Variants in CLPB observed in about 807,000 individuals in gnomAD.
CLPB encodes ClpB family mitochondrial disaggregase.
CLPB carries 40 observed loss-of-function variants against 78.4 expected under a neutral mutation model. The ratio of observed to expected loss-of-function variants is 0.51; its 90% CI spans 0.40 to 0.66. CLPB has a LOEUF of 0.66. Ranked by LOEUF, CLPB falls within the 30% of genes least tolerant of loss-of-function variation. CLPB has a pLI of 0.00. For synonymous variants in CLPB, 333 were observed against 348.0 expected (o/e 0.96, Z 0.48); for missense variants, 780 against 886.9 (o/e 0.88, Z 1.53).
At chr11:72,303,208 C>T (rs937696916) in intron 9 of CLPB, among the ~76,000 whole-genome samples, 2 of 152,224 alleles carry the variant, frequency 1.3e-5, no homozygotes, top group East Asian at 1.9e-4. Flanking sequence ...CACAGTCCCC[C>T]GGGCTCCTCT....
chr11:72,331,570 G>GTTT (rs71062765), intron 5 of CLPB, among the ~76,000 whole-genome samples: 20 of 49,394 alleles, frequency 4.0e-4, no homozygotes, highest in African/African-American at 4.9e-4. Flanking sequence ...TTTCTTTTCT[G>GTTT]TTTTTTTTTT....
chr11:72,394,415 C>T (rs1245282988), intron 3 of CLPB, among the ~76,000 whole-genome samples: 1 of 152,172 alleles, frequency 6.6e-6, no homozygotes, highest in Admixed American at 6.5e-5. Flanking sequence ...CTATCCCCAA[C>T]TGCCACTCTC....
At chr11:72,380,240 A>C (rs1471428733) in intron 4 of CLPB, 41 bp downstream of exon 4, 1 of 1,470,238 alleles carries the variant, frequency 6.8e-7, no homozygotes, top group Non-Finnish European at 9.5e-7. Flanking sequence ...TGAAAGCCAC[A>C]AGAGGAGAGC....
intron 4 of CLPB, among the ~76,000 whole-genome samples, chr11:72,378,228 G>T (rs1854779708): frequency 6.6e-6 from 1 of 152,204 alleles, no homozygotes; most frequent in Non-Finnish European, 1.5e-5. Flanking sequence ...ACCTGGCCCT[G>T]CCCTCTCAAC....
intron 4 of CLPB, among the ~76,000 whole-genome samples, chr11:72,360,092 C>T (rs1247923067): frequency 6.6e-6 from 1 of 152,198 alleles, no homozygotes; most frequent in Non-Finnish European, 1.5e-5. Flanking sequence ...GCACTCTCTC[C>T]CCTGCTCAGG....
At chr11:72,298,590 G>A (rs1949599895) in intron 11 of CLPB, among the ~76,000 whole-genome samples, 1 of 152,208 alleles carries the variant, frequency 6.6e-6, no homozygotes, top group East Asian at 1.9e-4. Context: ...CTCAGCCTCT[G>A]AGGCTCAAGC....
rs1949425126 is a variant in CLPB at position 72,289,345 on chromosome 11, G to A, written c.*4022C>T. ...CCTGGCCACAGTTAACTGAACCAAC[G>A]GACTGACAGCCGGGCATAAGACCTC... On this transcript the variant is annotated 3_prime_UTR_variant, in exon 16 of 16. Transcript: ENST00000538039. 1 of 151,932 alleles carries A rather than the reference G, an allele frequency of 6.6e-6. No individual in the cohort carries two copies. The allele number at this position is 151,932 out of a possible 1,614,324, so 9.4% of individuals were successfully genotyped here. A position where few individuals can be genotyped will look rare whatever the true frequency, so the allele number is the denominator to read the frequency against.
At chr11:72,406,267 C>A (rs1712996523) in intron 2 of CLPB, among the ~76,000 whole-genome samples, 2 of 152,084 alleles carry the variant, frequency 1.3e-5, no homozygotes, top group South Asian at 2.1e-4. Context: ...TCCAAGGGAA[C>A]AATGACCCAT....
At chr11:72,408,341 A>C in intron 2 of CLPB, 1 of 692,320 alleles carries the variant, frequency 1.4e-6, no homozygotes, top group Non-Finnish European at 2.4e-6. Flanking sequence ...ATTAAAACAG[A>C]ATTTCGTAAG....
rs1055176508 is a variant in CLPB, at chr11:72,312,029, G to A, written c.989-3425C>T. On this transcript the variant is annotated intron_variant, in intron 7 of 15. Transcript: ENST00000538039. This position sits in a 1 kb window ranked among gnomAD's most constrained non-coding sequence, Gnocchi z 4.2. The stretch of plus-strand genomic sequence containing the variant: ...TCTCTGGCATGCATTCATCTACCGG[G>A]TGGTATAGTGGAGAGGGCAGGAGTT... Among the ~76,000 whole-genome samples, 2 of 152,272 alleles carry A rather than the reference G, an allele frequency of 1.3e-5. No homozygotes were observed. Among genetic ancestry groups the A allele is most frequent in the South Asian group, 2.1e-4 (1 of 4,828 alleles).
chr11:72,431,032 G>A (rs529106580), intron 1 of CLPB, among the ~76,000 whole-genome samples: 3 of 152,266 alleles, frequency 2.0e-5, no homozygotes, highest in East Asian at 1.9e-4. Context: ...CAGTTGAGAC[G>A]TCTGCAAACT....
intron 1 of CLPB, among the ~76,000 whole-genome samples, chr11:72,433,507 T>A (rs1856607141): frequency 6.6e-6 from 1 of 151,502 alleles, no homozygotes; most frequent in Non-Finnish European, 1.5e-5. Context: ...GCCACTGCAC[T>A]CCAGCTTGGC....
chr11:72,410,211 C>T (rs780416386), intron 2 of CLPB, among the ~76,000 whole-genome samples: 10 of 152,128 alleles, frequency 6.6e-5, no homozygotes, highest in Admixed American at 2.6e-4. Flanking sequence ...GCCTAGGCAA[C>T]AAGAGCAGAA....
chr11:72,347,205 G>A (rs1950532559), intron 5 of CLPB, among the ~76,000 whole-genome samples: 1 of 152,038 alleles, frequency 6.6e-6, no homozygotes, highest in African/African-American at 2.4e-5. Context: ...CTAATTCTAG[G>A]GTAAAATTTT....
At chr11:72,307,740 A>G (rs1949770501) in intron 8 of CLPB, among the ~76,000 whole-genome samples, 1 of 152,154 alleles carries the variant, frequency 6.6e-6, no homozygotes, top group African/African-American at 2.4e-5. Context: ...TGTAACACAG[A>G]GAAGGAATGA....
At position 72,388,494 on chromosome 11, in the gene CLPB, G is replaced by A. The variant is rs561153896; in HGVS notation, c.543-8110C>T. ...TCTCGATCTCCTGACCTCGTGATCC[G>A]CCCGCTTCAGCCTCCCAAAGTGCTA... On this transcript the variant is annotated intron_variant, in intron 3 of 15. Coordinates refer to ENST00000538039, the MANE Select transcript of CLPB (RefSeq NM_001258392.3). Among the ~76,000 whole-genome samples the A allele has an allele frequency of 1.8e-4, 27 of 152,036 alleles. 1 individual carries two copies. The highest frequency in any genetic ancestry group is 6.0e-4 in the African/African-American group (25 of 41,452).
At chr11:72,371,319 C>T (rs1951037295) in intron 4 of CLPB, among the ~76,000 whole-genome samples, 1 of 151,980 alleles carries the variant, frequency 6.6e-6, no homozygotes, top group Non-Finnish European at 1.5e-5. Flanking sequence ...TGCCTGAGCT[C>T]AGGAGTTCGA....
chr11:72,378,558 C>G (rs986764273), intron 4 of CLPB, among the ~76,000 whole-genome samples: 11 of 152,180 alleles, frequency 7.2e-5, no homozygotes, highest in Non-Finnish European at 1.3e-4. Flanking sequence ...GTCCCTGCCA[C>G]AACACGTGGG....
intron 3 of CLPB, among the ~76,000 whole-genome samples, chr11:72,390,115 A>G (rs1855204026): frequency 6.6e-6 from 1 of 152,100 alleles, no homozygotes; most frequent in South Asian, 2.1e-4. Flanking sequence ...TTTGCCCCAG[A>G]TCAGGCTTTG....
Sources: gnomAD v4.1 joint callset for allele counts (sites outside exome capture counted in the v4.1 genomes callset) on GRCh38, gnomAD v4.1.1 for gene constraint, Gnocchi (gnomAD v3.1) non-coding constraint, MANE v1.5 for transcripts, NCBI Gene and HGNC (gene_info 2026-07-23, HGNC 2026-07-21) for gene names.